Variants in HOMER1 observed in about 807,000 individuals in gnomAD.
HOMER1 encodes the protein homer protein homolog 1.
A neutral mutation model predicts 48.9 loss-of-function variants in HOMER1; 3 were observed. The observed-to-expected ratio is 0.06, with a 90% CI of 0.03 to 0.16. The LOEUF (loss-of-function observed/expected upper bound fraction) is 0.16. HOMER1 is among the 10% of genes least tolerant of loss of function. HOMER1 has a pLI of 1.00. For missense variants in HOMER1, 247 were observed against 411.4 expected (o/e 0.60, Z 3.46); for synonymous variants, 134 against 146.4 (o/e 0.92, Z 0.61).
chr5:79,424,362 T>C (rs1181248667), intron 5 of HOMER1, among the ~76,000 whole-genome samples: 1 of 152,034 alleles, frequency 6.6e-6, no homozygotes, highest in Non-Finnish European at 1.5e-5. Context: ...TTTTCTTTAA[T>C]TGTATAAAAG....
At chr5:79,483,703 T>G (rs1315235161) in intron 1 of HOMER1, among the ~76,000 whole-genome samples, 1 of 150,164 alleles carries the variant, frequency 6.7e-6, no homozygotes, top group Non-Finnish European at 1.5e-5. Context: ...GGTAAATACA[T>G]ATATATTTTA....
chr5:79,496,494 T>C (rs1752424647), intron 1 of HOMER1, among the ~76,000 whole-genome samples: 3 of 152,104 alleles, frequency 2.0e-5, no homozygotes, highest in South Asian at 2.1e-4. Flanking sequence ...GAGTCTCCTC[T>C]AAAGAAAATG....
chr5:79,483,279 C>T (rs903348267), intron 1 of HOMER1, among the ~76,000 whole-genome samples: 1 of 152,026 alleles, frequency 6.6e-6, no homozygotes, highest in African/African-American at 2.4e-5. Flanking sequence ...GACAGAATAT[C>T]TATAAAGTAT....
In HOMER1 at chr5:79,374,029, G is replaced by GT. The variant is rs1263647864; in HGVS notation, c.*1979dup. 6.6e-6 allele frequency: 1 copy of GT among 151,952 alleles called. No individual in the cohort carries two copies. Among genetic ancestry groups the GT allele is most frequent in the African/African-American group, 2.4e-5 (1 of 41,358 alleles). The allele number at this position is 151,952 out of a possible 1,614,324, so 9.4% of individuals were successfully genotyped here. On this transcript the variant is annotated 3_prime_UTR_variant, in exon 9 of 9. Transcript: ENST00000334082. ...ACTTGCCATTTCAACAGCTTACACTGTTTTTTAAATTTTTTTAACTCTTCA... is the reference window on the plus strand; with the variant it reads ...ACTTGCCATTTCAACAGCTTACACTGTTTTTTTAAATTTTTTTAACTCTTCA...
At chr5:79,480,468 C>G (rs1183808602) in intron 1 of HOMER1, among the ~76,000 whole-genome samples, 1 of 152,128 alleles carries the variant, frequency 6.6e-6, no homozygotes, top group Admixed American at 6.5e-5. Context: ...AAGCCCATAA[C>G]TTTTCACTAC....
chr5:79,496,599 C>T (rs1363260925), intron 1 of HOMER1, among the ~76,000 whole-genome samples: 1 of 152,132 alleles, frequency 6.6e-6, no homozygotes, highest in East Asian at 1.9e-4. Context: ...ACCTAAATAT[C>T]TAAGATGAAG....
chr5:79,443,526 T>C (rs1750796370), intron 4 of HOMER1, among the ~76,000 whole-genome samples: 1 of 152,208 alleles, frequency 6.6e-6, no homozygotes, highest in African/African-American at 2.4e-5. Context: ...AAATATACAA[T>C]TAAGGCATCT....
chr5:79,402,359 G>A (rs576558364), intron 5 of HOMER1, among the ~76,000 whole-genome samples: 28 of 151,930 alleles, frequency 1.8e-4, no homozygotes, highest in African/African-American at 6.3e-4. Context: ...TAGTACAGAC[G>A]GGGTTTCCCA....
Position 79,447,204 on chromosome 5 carries a change from T to C in HOMER1, c.295-59A>G, listed in dbSNP as rs188521719. On this transcript the variant is annotated intron_variant, in intron 3 of 8. Transcript: ENST00000334082. Reference sequence around the variant, plus strand: ...TAAAAATAGGTCACAGTGCCCACTTTTACCTTAGTAAAGTTATTCATTTTC... The same window carrying C: ...TAAAAATAGGTCACAGTGCCCACTTCTACCTTAGTAAAGTTATTCATTTTC... 317 of 1,006,584 alleles carry C rather than the reference T, an allele frequency of 3.1e-4. 1 individual carries two copies. The East Asian group carries it at 7.2e-3, about 23-fold the overall frequency. The allele number at this position is 1,006,584 out of a possible 1,614,324, so 62.4% of individuals were successfully genotyped here.
intron 1 of HOMER1, among the ~76,000 whole-genome samples, chr5:79,463,645 C>T (rs1313104835): frequency 1.3e-5 from 2 of 152,100 alleles, no homozygotes; most frequent in Non-Finnish European, 2.9e-5. Context: ...CACTAACATG[C>T]CCCCCCAATA....
At chr5:79,486,385 T>C (rs992714084) in intron 1 of HOMER1, among the ~76,000 whole-genome samples, 2 of 152,196 alleles carry the variant, frequency 1.3e-5, no homozygotes, top group Middle Eastern at 3.4e-3. Flanking sequence ...GCTTGTCAGG[T>C]CCAGAAACTG....
At chr5:79,510,861 C>G (rs887165210) in intron 1 of HOMER1, 1 of 709,448 alleles carries the variant, frequency 1.4e-6, no homozygotes, top group Non-Finnish European at 2.5e-6. Flanking sequence ...CTCAGGCTCC[C>G]AAAGGTGCCC....
At chr5:79,479,502 C>T (rs1049122088) in intron 1 of HOMER1, among the ~76,000 whole-genome samples, 2 of 152,142 alleles carry the variant, frequency 1.3e-5, no homozygotes, top group African/African-American at 2.4e-5. Flanking sequence ...CATGTGCTGG[C>T]TCTAAAGATG....
intron 2 of HOMER1, among the ~76,000 whole-genome samples, chr5:79,454,029 T>C (rs531341951): frequency 6.6e-6 from 1 of 152,208 alleles, no homozygotes; most frequent in East Asian, 1.9e-4. Context: ...GTTAAAAAAA[T>C]ACAAAAAGCT....
Position 79,453,355 on chromosome 5 carries a change from G to A in HOMER1, c.163-2234C>T, listed in dbSNP as rs377094057. Among the ~76,000 whole-genome samples, 5 of 152,142 alleles carry A rather than the reference G, an allele frequency of 3.3e-5. No homozygotes were observed. In the East Asian group the frequency reaches 7.7e-4, roughly 23 times the overall value. ...TAGGCATCTAAGAAAACTGACCAAC[G>A]TGCTGGTAGTTGGTCACTAAGCCCC... On this transcript the variant is annotated intron_variant, in intron 2 of 8. Coordinates refer to ENST00000334082, the MANE Select transcript of HOMER1 (RefSeq NM_004272.5).
intron 1 of HOMER1, among the ~76,000 whole-genome samples, chr5:79,470,642 T>C (rs919581883): frequency 1.3e-5 from 2 of 152,186 alleles, no homozygotes; most frequent in Non-Finnish European, 2.9e-5. Flanking sequence ...TTTTTTTACC[T>C]GTCAACATAG....
intron 1 of HOMER1, among the ~76,000 whole-genome samples, chr5:79,467,462 G>A (rs1315079234): frequency 2.7e-5 from 4 of 146,882 alleles, no homozygotes; most frequent in East Asian, 2.0e-4. Flanking sequence ...CACCTTCAAC[G>A]AACAATCATA....
At chr5:79,484,273 T>A (rs1752034528) in intron 1 of HOMER1, among the ~76,000 whole-genome samples, 1 of 149,968 alleles carries the variant, frequency 6.7e-6, no homozygotes, top group Admixed American at 6.6e-5. Context: ...AGAGATGAAA[T>A]AAATCATAAA....
chr5:79,471,877 G>C (rs1018244872), intron 1 of HOMER1, among the ~76,000 whole-genome samples: 1 of 152,266 alleles, frequency 6.6e-6, no homozygotes, highest in African/African-American at 2.4e-5. Context: ...TTTTCCTTCA[G>C]GTCTGCCCAG....
Sources: gnomAD v4.1 joint callset for allele counts (sites outside exome capture counted in the v4.1 genomes callset) on GRCh38, gnomAD v4.1.1 for gene constraint, MANE v1.5 for transcripts, NCBI Gene and HGNC (gene_info 2026-07-23, HGNC 2026-07-21) for gene names.